The following RPS6KA5 variants were observed in gnomAD, a reference collection of about 807,000 sequenced individuals.
RPS6KA5 encodes the protein ribosomal protein S6 kinase A5, also known as ribosomal protein S6 kinase alpha-5.
In RPS6KA5, 27 loss-of-function variants were observed where a neutral mutation model predicts 85.5. That is an observed-to-expected ratio of 0.32 (90% confidence interval 0.23 to 0.44). RPS6KA5 has a LOEUF of 0.44. Ranked by LOEUF, RPS6KA5 falls within the 20% of genes least tolerant of loss-of-function variation. RPS6KA5 has a pLI of 1.00. For synonymous variants in RPS6KA5, 334 were observed against 348.2 expected, an observed-to-expected ratio of 0.96 and a Z score of 0.46; for missense variants, 811 against 980.9, an observed-to-expected ratio of 0.83 and a Z score of 2.31.
At chr14:91,005,807 CTT>C (rs111942095) in intron 1 of RPS6KA5, among the ~76,000 whole-genome samples, 2,116 of 152,224 alleles carry the variant, frequency 0.014, 43 homozygotes, top group African/African-American at 0.048. Context: ...TAGAACAAGA[CTT>C]ATAATATTTA....
At position 91,010,506 on chromosome 14, in the gene RPS6KA5, T is replaced by C. The variant is rs57877932; in HGVS notation, c.104-9347A>G. 5.3e-3 allele frequency among the ~76,000 whole-genome samples: 813 copies of C among 152,306 alleles called. 3 individuals carry two copies. The highest frequency in any genetic ancestry group is 0.019 in the African/African-American group (774 of 41,546). On this transcript the variant is annotated intron_variant, in intron 1 of 16. Transcript: ENST00000614987. ...TCACATCTAACCTTTTAAGGATGGTTTGAAACCCCTAATGTCAATGTCAAA... is the reference window on the plus strand; with the variant it reads ...TCACATCTAACCTTTTAAGGATGGTCTGAAACCCCTAATGTCAATGTCAAA...
chr14:91,043,524 T>A (rs73328543), intron 1 of RPS6KA5, among the ~76,000 whole-genome samples: 16,804 of 152,198 alleles, frequency 0.11, 1,227 homozygotes, highest in East Asian at 0.31. Context: ...GTGAGCACAC[T>A]AAGACTCAGT....
At chr14:91,027,391 T>C (rs1385569628) in intron 1 of RPS6KA5, among the ~76,000 whole-genome samples, 1 of 152,282 alleles carries the variant, frequency 6.6e-6, no homozygotes, top group African/African-American at 2.4e-5. Context: ...TGGTTTTTTT[T>C]CCACTTTGCC....
chr14:90,932,017 A>T (rs1016204835), intron 5 of RPS6KA5, among the ~76,000 whole-genome samples: 1 of 152,232 alleles, frequency 6.6e-6, no homozygotes, highest in Non-Finnish European at 1.5e-5. Flanking sequence ...AACACAATTA[A>T]AATTAATCCA....
intron 1 of RPS6KA5, among the ~76,000 whole-genome samples, chr14:91,026,700 T>A (rs902388059): frequency 8.5e-5 from 13 of 152,182 alleles, no homozygotes; most frequent in African/African-American, 3.1e-4. Context: ...TAGTTCTAAG[T>A]TTTTTCAGCT....
intron 2 of RPS6KA5, among the ~76,000 whole-genome samples, chr14:90,983,441 AAC>A (rs1450691616): frequency 7.9e-5 from 12 of 151,820 alleles, no homozygotes; most frequent in Non-Finnish European, 1.6e-4. Flanking sequence ...CTCTACAAAG[AAC>A]ACAAAAATTA....
At chr14:90,932,533 T>C (rs1595253406) in intron 5 of RPS6KA5, among the ~76,000 whole-genome samples, 3 of 152,270 alleles carry the variant, frequency 2.0e-5, no homozygotes, top group South Asian at 4.1e-4. Context: ...ACATTGTTAG[T>C]TGGTTATTTT....
intron 14 of RPS6KA5, among the ~76,000 whole-genome samples, chr14:90,887,727 C>A (rs946814312): frequency 2.0e-5 from 3 of 150,480 alleles, no homozygotes; most frequent in African/African-American, 7.3e-5. Context: ...GAGGCCGAGG[C>A]GGGAGGATCA....
At chr14:90,907,932 A>C (rs184748970) in intron 7 of RPS6KA5, among the ~76,000 whole-genome samples, 110 of 152,346 alleles carry the variant, frequency 7.2e-4, no homozygotes, top group African/African-American at 2.0e-3. Flanking sequence ...AAAGCTTTGC[A>C]TAAAGGATCA....
intron 2 of RPS6KA5, among the ~76,000 whole-genome samples, chr14:90,987,293 TG>T (rs1196642564): frequency 4.6e-5 from 7 of 152,236 alleles, no homozygotes; most frequent in Non-Finnish European, 2.9e-5. Context: ...TGACAAATGA[TG>T]ACTAAGTCAT....
At chr14:90,901,566 C>T (rs967709087) in intron 9 of RPS6KA5, among the ~76,000 whole-genome samples, 7 of 152,112 alleles carry the variant, frequency 4.6e-5, no homozygotes, top group African/African-American at 1.4e-4. Context: ...GGTACAAAGA[C>T]GGATGATTAA....
At chr14:90,928,107 T>G (rs2036779498) in intron 5 of RPS6KA5, among the ~76,000 whole-genome samples, 1 of 151,934 alleles carries the variant, frequency 6.6e-6, no homozygotes, top group South Asian at 2.1e-4. Context: ...TTTGTACTTT[T>G]TGTAGAGAGA....
rs1345437667 is a variant in RPS6KA5, at chr14:90,866,996, G to C, written c.*5078C>G. ...TACCACAGCAACAGAGCTTTAATGA[G>C]GTTAATTGTCACATACATATCCATT... On this transcript the variant is annotated 3_prime_UTR_variant, in exon 17 of 17. Coordinates refer to ENST00000614987, the MANE Select transcript of RPS6KA5 (RefSeq NM_004755.4). 2 of 152,162 alleles carry C rather than the reference G, an allele frequency of 1.3e-5. No homozygotes were observed. The highest frequency in any genetic ancestry group is 2.4e-5 in the African/African-American group (1 of 41,448). The allele number at this position is 152,162 out of a possible 1,614,324, so 9.4% of individuals were successfully genotyped here.
At chr14:90,900,294 G>A in intron 10 of RPS6KA5, 53 bp from the exon 11 acceptor site, 3 of 1,320,890 alleles carry the variant, frequency 2.3e-6, no homozygotes, top group Non-Finnish European at 1.0e-6. Flanking sequence ...AATACACAAA[G>A]GATCAATAAA....
In RPS6KA5 at chr14:90,854,176, TGCAAGGAGCC is replaced by T. The variant is rs2032158673; in HGVS notation, c.*17888_*17897del. On this transcript the variant is annotated 3_prime_UTR_variant, in exon 17 of 17. Coordinates refer to ENST00000614987, the MANE Select transcript of RPS6KA5 (RefSeq NM_004755.4). ...GCAAACTAATTTTAAGTAATTATAG[TGCAAGGAGCC>T]TGATGTATGAAGATTTGACATTGTA... 1 of 125,178 alleles carries T rather than the reference TGCAAGGAGCC, an allele frequency of 8.0e-6. No individual in the cohort carries two copies. Among genetic ancestry groups the T allele is most frequent in the Non-Finnish European group, 1.5e-5 (1 of 64,688 alleles). 7.8% of individuals were successfully genotyped at this position (125,178 alleles called of 1,614,324 possible).
chr14:90,929,933 T>G (rs765902539), intron 5 of RPS6KA5, among the ~76,000 whole-genome samples: 1 of 152,186 alleles, frequency 6.6e-6, no homozygotes, highest in Non-Finnish European at 1.5e-5. Flanking sequence ...TGCAGTGGCA[T>G]GATCGCAGCT....
At chr14:90,951,268 G>A (rs1353389999) in intron 3 of RPS6KA5, among the ~76,000 whole-genome samples, 1 of 152,062 alleles carries the variant, frequency 6.6e-6, no homozygotes, top group Non-Finnish European at 1.5e-5. Context: ...CGGGTCACCA[G>A]GTCAGGAGAT....
At chr14:90,936,961 T>C (rs1290542245) in intron 5 of RPS6KA5, among the ~76,000 whole-genome samples, 1 of 152,034 alleles carries the variant, frequency 6.6e-6, no homozygotes, top group African/African-American at 2.4e-5. Flanking sequence ...AACATTCACA[T>C]ATTTGGGTCT....
chr14:90,880,246 A>G (rs1189760313), intron 14 of RPS6KA5, among the ~76,000 whole-genome samples: 1 of 152,096 alleles, frequency 6.6e-6, no homozygotes, highest in Non-Finnish European at 1.5e-5. Context: ...CATCTTGTAA[A>G]ACTAAAACTC....
Sources: allele counts gnomAD v4.1 joint callset (sites outside exome capture counted in the v4.1 genomes callset), GRCh38; gene constraint gnomAD v4.1.1; transcripts MANE v1.5; gene names NCBI Gene and HGNC (gene_info 2026-07-23, HGNC 2026-07-21).